The following TMEM181 variants were observed in gnomAD, a reference collection of about 807,000 sequenced individuals.
TMEM181 encodes the protein G protein-coupled receptor 178.
TMEM181 carries 39 observed loss-of-function variants against 71.9 expected under a neutral mutation model. That is an observed-to-expected ratio of 0.54 (90% CI 0.42 to 0.71). The LOEUF (loss-of-function observed/expected upper bound fraction) is 0.71. TMEM181 is among the 30% of genes least tolerant of loss of function. The pLI is 0.00. For missense variants in TMEM181, 595 were observed against 583.0 expected (o/e 1.02, Z -0.21); for synonymous variants, 245 against 228.8 (o/e 1.07, Z -0.64).
intron 1 of TMEM181, among the ~76,000 whole-genome samples, chr6:158,544,006 G>A (rs1781440389): frequency 1.3e-5 from 2 of 152,116 alleles, no homozygotes; most frequent in East Asian, 1.9e-4. Flanking sequence ...ATTGGAAATC[G>A]GGTCTGCACA....
At chr6:158,572,292 T>C in intron 1 of TMEM181, 1 of 370,174 alleles carries the variant, frequency 2.7e-6, no homozygotes, top group Non-Finnish European at 5.3e-6. Flanking sequence ...GTAACCTTCC[T>C]GCAGGGCCAG....
chr6:158,617,996 G>A (rs1785713712), intron 10 of TMEM181, among the ~76,000 whole-genome samples: 1 of 152,206 alleles, frequency 6.6e-6, no homozygotes, highest in Non-Finnish European at 1.5e-5. Context: ...TGTTAGACCT[G>A]CTTGGTGCAG....
intron 1 of TMEM181, among the ~76,000 whole-genome samples, chr6:158,569,759 C>T (rs1171328535): frequency 6.6e-6 from 1 of 152,166 alleles, no homozygotes; most frequent in Non-Finnish European, 1.5e-5. Context: ...TGCCATCACA[C>T]CTGGCTAAGT....
exon 1 of TMEM181, chr6:158,536,779 G>C: frequency 1.3e-6 from 2 of 1,573,080 alleles, no homozygotes; most frequent in East Asian, 2.4e-5. Flanking sequence ...TCTGCAGCGA[G>C]CTCAAGCACC....
At chr6:158,577,430 T>A (rs1783226558) in intron 2 of TMEM181, among the ~76,000 whole-genome samples, 1 of 151,706 alleles carries the variant, frequency 6.6e-6, no homozygotes, top group Non-Finnish European at 1.5e-5. Flanking sequence ...AGAAGAAAAA[T>A]GAACAGAGAC....
chr6:158,567,371 T>C (rs1011921065), intron 1 of TMEM181, among the ~76,000 whole-genome samples: 1 of 152,178 alleles, frequency 6.6e-6, no homozygotes, highest in Non-Finnish European at 1.5e-5. Context: ...ACAAACGCTT[T>C]TGGAATAACG....
chr6:158,547,781 G>A (rs1412366020), intron 1 of TMEM181, among the ~76,000 whole-genome samples: 1 of 151,216 alleles, frequency 6.6e-6, no homozygotes, highest in Non-Finnish European at 1.5e-5. Flanking sequence ...ACTGGTCCCT[G>A]GCCTTGCCTC....
At chr6:158,594,355 T>C (rs1407088779) in intron 6 of TMEM181, among the ~76,000 whole-genome samples, 1 of 152,124 alleles carries the variant, frequency 6.6e-6, no homozygotes, top group East Asian at 1.9e-4. Flanking sequence ...TGCCTCGGCC[T>C]CCGAAAGTGC....
At position 158,574,936 on chromosome 6, in the gene TMEM181, T is replaced by A. The variant is rs77448839; in HGVS notation, c.112+1413T>A. ...ACTAGGAGAGCTGATGGAGTAAATT[T>A]CCAGCTGAGTCCAGGTCCGAGTCTG... On this transcript the variant is annotated intron_variant, in intron 2 of 16. Coordinates refer to ENST00000684151, the MANE Select transcript of TMEM181 (RefSeq NM_001376852.1). Among the ~76,000 whole-genome samples, 696 of 152,306 alleles carry A rather than the reference T, an allele frequency of 4.6e-3. 6 individuals are homozygous for A. Among genetic ancestry groups the A allele is most frequent in the African/African-American group, 0.016 (651 of 41,572 alleles).
chr6:158,581,048 G>C (rs1783441964), intron 3 of TMEM181, 53 bp downstream of exon 3: 1 of 1,533,172 alleles, frequency 6.5e-7, no homozygotes, highest in South Asian at 1.1e-5. Context: ...ATAAACCTCA[G>C]GTCACTGAGA....
intron 1 of TMEM181, among the ~76,000 whole-genome samples, chr6:158,568,874 T>C (rs1027619604): frequency 1.3e-5 from 2 of 152,216 alleles, no homozygotes; most frequent in African/African-American, 2.4e-5. Flanking sequence ...TCTCAATGTT[T>C]TGTTGTTTTG....
intron 6 of TMEM181, among the ~76,000 whole-genome samples, chr6:158,596,528 C>T (rs1225254247): frequency 1.3e-5 from 2 of 152,176 alleles, no homozygotes; most frequent in East Asian, 3.9e-4. Context: ...CACACAGACA[C>T]CTTCCCCTGG....
chr6:158,600,174 T>C (rs956688279), intron 6 of TMEM181, among the ~76,000 whole-genome samples: 3 of 152,048 alleles, frequency 2.0e-5, no homozygotes, highest in African/African-American at 7.3e-5. Context: ...CTAGTGTTAA[T>C]TTTTTGTTTT....
chr6:158,536,964 A>T, intron 1 of TMEM181: 1 of 881,420 alleles, frequency 1.1e-6, no homozygotes, highest in South Asian at 5.4e-5. Context: ...GGTCCCGCCG[A>T]CGGCCGCCTC....
chr6:158,572,128 T>C (rs1173482657), intron 1 of TMEM181, among the ~76,000 whole-genome samples: 3 of 152,240 alleles, frequency 2.0e-5, no homozygotes, highest in African/African-American at 7.2e-5. Context: ...CCTGGCCTTA[T>C]CAGAGCTACG....
At chr6:158,586,204 G>A (rs1015081497) in intron 5 of TMEM181, among the ~76,000 whole-genome samples, 1 of 152,202 alleles carries the variant, frequency 6.6e-6, no homozygotes, top group Non-Finnish European at 1.5e-5. Flanking sequence ...CATTGGCACT[G>A]TATTCTGTTC....
chr6:158,553,732 T>C (rs1290574740), intron 1 of TMEM181, among the ~76,000 whole-genome samples: 8 of 152,218 alleles, frequency 5.3e-5, no homozygotes, highest in African/African-American at 1.9e-4. Flanking sequence ...ATTTAAAAGC[T>C]AGTTTATTTA....
upstream of TMEM181, chr6:158,560,023 A>T (rs1484772199): frequency 2.0e-6 from 2 of 983,352 alleles, no homozygotes; most frequent in Non-Finnish European, 1.2e-6. Flanking sequence ...CCCCGCTTCC[A>T]CCGCGCCGCG....
Position 158,631,905 on chromosome 6 carries a change from C to A in TMEM181, c.*17C>A, listed in dbSNP as rs757929818. On this transcript the variant is annotated 3_prime_UTR_variant, in exon 17 of 17. Coordinates refer to ENST00000684151, the MANE Select transcript of TMEM181 (RefSeq NM_001376852.1). Reference sequence around the variant, plus strand: ...AGTGACTGAGCCCCGGCCAGCCCAGCGAGGCGACAAGATGCCTGGATGCTT... The same window carrying A: ...AGTGACTGAGCCCCGGCCAGCCCAGAGAGGCGACAAGATGCCTGGATGCTT... 2 of 1,570,570 alleles carry A rather than the reference C, an allele frequency of 1.3e-6. No homozygotes were observed. The highest frequency in any genetic ancestry group is 1.7e-6 in the Non-Finnish European group (2 of 1,156,942).
Sources: gnomAD v4.1 joint callset for allele counts (sites outside exome capture counted in the v4.1 genomes callset) on GRCh38, gnomAD v4.1.1 for gene constraint, MANE v1.5 for transcripts, NCBI Gene and HGNC (gene_info 2026-07-23, HGNC 2026-07-21) for gene names.